Variants in CDH12 observed in about 807,000 individuals in gnomAD.
CDH12 encodes cadherin 12.
CDH12 carries 41 observed loss-of-function variants against 74.1 expected under a neutral mutation model. That is an observed-to-expected ratio of 0.55 (90% CI 0.43 to 0.72). The LOEUF is 0.72. CDH12 is among the 30% of genes least tolerant of loss of function. The pLI is 0.00. For missense variants in CDH12, 945 were observed against 977.2 expected (o/e 0.97, Z 0.44); for synonymous variants, 399 against 355.0 (o/e 1.12, Z -1.39).
chr5:21,902,036 T>C (rs931731999), intron 6 of CDH12, among the ~76,000 whole-genome samples: 2 of 152,134 alleles, frequency 1.3e-5, no homozygotes, highest in Non-Finnish European at 2.9e-5. Flanking sequence ...AATAAGCAAG[T>C]GAACAGATGA....
At chr5:22,273,950 C>CA (rs1264111269) in intron 3 of CDH12, among the ~76,000 whole-genome samples, 1 of 152,030 alleles carries the variant, frequency 6.6e-6, no homozygotes, top group Admixed American at 6.6e-5. Flanking sequence ...GAGCATTTAT[C>CA]AAAAAAATCT....
chr5:21,816,934 T>C lies in CDH12; in HGVS notation c.1002+11A>G. ...TTTAGTAGTCAACTGTCCCAACATT[T>C]GTCTATATACCTTTTTCAATTTGAT... On this transcript the variant is annotated intron_variant, in intron 9 of 14. Coordinates refer to ENST00000382254, the MANE Select transcript of CDH12 (RefSeq NM_004061.5). 1 of 1,537,850 alleles carries C rather than the reference T, an allele frequency of 6.5e-7. No individual in the cohort carries two copies. The highest frequency in any genetic ancestry group is 8.8e-7 in the Non-Finnish European group (1 of 1,132,390).
At chr5:22,273,371 G>C (rs1736491448) in intron 3 of CDH12, among the ~76,000 whole-genome samples, 1 of 152,126 alleles carries the variant, frequency 6.6e-6, no homozygotes, top group Non-Finnish European at 1.5e-5. Flanking sequence ...TGCCACAAAC[G>C]TTCAATTTGT....
intron 1 of CDH12, among the ~76,000 whole-genome samples, chr5:22,548,818 G>A (rs1390286401): frequency 6.6e-6 from 1 of 151,964 alleles, no homozygotes; most frequent in African/African-American, 2.4e-5. Flanking sequence ...TTAGTTTGTG[G>A]GGGCATGTCG....
chr5:22,092,078 T>C (rs185098491), intron 4 of CDH12, among the ~76,000 whole-genome samples: 1 of 151,732 alleles, frequency 6.6e-6, no homozygotes, highest in African/African-American at 2.4e-5. Flanking sequence ...CCTGGGGCAA[T>C]TGGATATCCA....
At chr5:22,687,741 CT>C (rs1273274526) in intron 1 of CDH12, among the ~76,000 whole-genome samples, 2 of 152,074 alleles carry the variant, frequency 1.3e-5, no homozygotes, top group Non-Finnish European at 2.9e-5. Flanking sequence ...TTTAAGTTTG[CT>C]TTATAATCCT....
chr5:21,941,922 A>G (rs1034354382), intron 6 of CDH12, among the ~76,000 whole-genome samples: 8 of 152,078 alleles, frequency 5.3e-5, no homozygotes, highest in Non-Finnish European at 1.2e-4. Context: ...TGGCTTACTA[A>G]AATGTCGACG....
intron 4 of CDH12, among the ~76,000 whole-genome samples, chr5:22,176,898 C>T (rs1749364027): frequency 6.6e-6 from 1 of 152,138 alleles, no homozygotes; most frequent in South Asian, 2.1e-4. Flanking sequence ...AATGCCCTTT[C>T]CCTCGATATC....
chr5:22,781,121 T>C (rs143209374), intron 1 of CDH12, among the ~76,000 whole-genome samples: 1 of 152,330 alleles, frequency 6.6e-6, no homozygotes, highest in Non-Finnish European at 1.5e-5. Context: ...TTTTTAAATA[T>C]ATTTTGAATC....
chr5:22,180,449 C>G (rs1749571686), intron 4 of CDH12, among the ~76,000 whole-genome samples: 1 of 151,826 alleles, frequency 6.6e-6, no homozygotes, highest in Admixed American at 6.6e-5. Flanking sequence ...ATCCTTTTGC[C>G]AAAGTTTTCA....
intron 6 of CDH12, among the ~76,000 whole-genome samples, chr5:21,949,492 T>C (rs1438254840): frequency 1.3e-5 from 2 of 149,628 alleles, no homozygotes; most frequent in Non-Finnish European, 3.0e-5. Flanking sequence ...TAAAACAGCC[T>C]CACAGTGGTC....
At chr5:22,332,637 C>A (rs1739397496) in intron 3 of CDH12, among the ~76,000 whole-genome samples, 2 of 151,914 alleles carry the variant, frequency 1.3e-5, no homozygotes, top group Admixed American at 6.6e-5. Context: ...CAAACAACCC[C>A]ATCAAAAAGT....
chr5:21,802,737 G>A (rs1747202779), intron 9 of CDH12, among the ~76,000 whole-genome samples: 2 of 151,396 alleles, frequency 1.3e-5, no homozygotes, highest in Admixed American at 6.6e-5. Context: ...GACTACAGGC[G>A]CCCGCCACCA....
chr5:21,977,648 A>AAAATGAAGTTTAAGCGCTTTC (rs1757127741), intron 5 of CDH12, among the ~76,000 whole-genome samples: 1 of 152,156 alleles, frequency 6.6e-6, no homozygotes, highest in African/African-American at 2.4e-5. Flanking sequence ...TTGCAAACTG[A>AAAATGAAGTTTAAGCGCTTTC]CATAAAAATG....
chr5:22,529,717 T>C (rs1737501882), intron 1 of CDH12, among the ~76,000 whole-genome samples: 1 of 152,218 alleles, frequency 6.6e-6, no homozygotes, highest in Non-Finnish European at 1.5e-5. Context: ...CAATTGACCA[T>C]CACAGTCCTC....
intron 2 of CDH12, among the ~76,000 whole-genome samples, chr5:22,503,178 C>A (rs1337169398): frequency 6.6e-6 from 1 of 151,884 alleles, no homozygotes. Context: ...TACTTTTTTG[C>A]ATGATTTATA....
At chr5:22,819,136 A>G (rs1054404300) in intron 1 of CDH12, among the ~76,000 whole-genome samples, 9 of 152,192 alleles carry the variant, frequency 5.9e-5, no homozygotes, top group African/African-American at 1.9e-4. Context: ...GTGGTATGTA[A>G]GCATAAAATC....
intron 3 of CDH12, among the ~76,000 whole-genome samples, chr5:22,327,036 C>T (rs191378527): frequency 1.0e-3 from 154 of 151,966 alleles, no homozygotes; most frequent in African/African-American, 3.5e-3. Context: ...TATTCAGTGG[C>T]CATTTCGTTT....
At chr5:22,061,259 C>G (rs570451886) in intron 5 of CDH12, among the ~76,000 whole-genome samples, 1 of 152,140 alleles carries the variant, frequency 6.6e-6, no homozygotes, top group Non-Finnish European at 1.5e-5. Flanking sequence ...ATATATTATA[C>G]AGTGTATTGA....
Sources: gnomAD v4.1 joint callset for allele counts (sites outside exome capture counted in the v4.1 genomes callset) on GRCh38, gnomAD v4.1.1 for gene constraint, MANE v1.5 for transcripts, NCBI Gene and HGNC (gene_info 2026-07-23, HGNC 2026-07-21) for gene names.